The following RBFOX1 variants were observed in gnomAD, a reference collection of about 807,000 sequenced individuals.
RBFOX1 encodes RNA binding protein fox-1 homolog 1.
In RBFOX1, 8 loss-of-function variants were observed where a neutral mutation model predicts 57.7. The observed-to-expected ratio is 0.14, with a 90% CI of 0.08 to 0.25. The LOEUF (loss-of-function observed/expected upper bound fraction) is 0.25. RBFOX1 is among the 10% of genes least tolerant of loss of function. RBFOX1 has a pLI of 1.00. For missense variants in RBFOX1, 611 were observed against 548.5 expected, an observed-to-expected ratio of 1.11 and a Z score of -1.14; for synonymous variants, 326 against 222.4, an observed-to-expected ratio of 1.47 and a Z score of -4.15.
At chr16:7,685,240 G>GC (rs2075807747) in intron 14 of RBFOX1, among the ~76,000 whole-genome samples, 1 of 152,112 alleles carries the variant, frequency 6.6e-6, no homozygotes, top group Admixed American at 6.6e-5. Flanking sequence ...CACAAACCTT[G>GC]CAAGAGATAA....
intron 3 of RBFOX1, among the ~76,000 whole-genome samples, chr16:5,675,908 G>A (rs1000476163): frequency 1.5e-4 from 23 of 152,160 alleles, no homozygotes; most frequent in African/African-American, 5.5e-4. Context: ...TCATTTGGGG[G>A]AACATAATTT....
chr16:6,278,606 C>A (rs1327319248), intron 1 of RBFOX1, among the ~76,000 whole-genome samples: 1 of 151,858 alleles, frequency 6.6e-6, no homozygotes, highest in Non-Finnish European at 1.5e-5. Context: ...TATCGTGGGT[C>A]TCTACAAAGA....
chr16:6,565,573 T>C (rs1000729600), intron 2 of RBFOX1, among the ~76,000 whole-genome samples: 1 of 151,420 alleles, frequency 6.6e-6, no homozygotes, highest in Admixed American at 6.6e-5. Context: ...TTCAAGCCGA[T>C]TCTCCTGCCT....
chr16:5,764,324 A>T (rs2053698738), intron 3 of RBFOX1, among the ~76,000 whole-genome samples: 1 of 152,204 alleles, frequency 6.6e-6, no homozygotes, highest in Non-Finnish European at 1.5e-5. Context: ...AGAGGCCTTG[A>T]GTTTTCCTTG....
rs541524204 is a variant in RBFOX1, at chr16:6,810,812, A to G, written c.-16+156162A>G. Among the ~76,000 whole-genome samples, 14 of 152,238 alleles carry G rather than the reference A, an allele frequency of 9.2e-5. No individual in the cohort carries two copies. The East Asian group carries it at 1.7e-3, about 19-fold the overall frequency. ...CAGATCTCGCCAGAAGTCACTCACT[A>G]TCAGGAGAACAGTGTGCCGGGAAAG... On this transcript the variant is annotated intron_variant, in intron 3 of 15. Transcript: ENST00000550418.
chr16:7,046,176 A>T (rs1380473990), intron 3 of RBFOX1, among the ~76,000 whole-genome samples: 1 of 152,048 alleles, frequency 6.6e-6, no homozygotes, highest in Non-Finnish European at 1.5e-5. Flanking sequence ...TATATTTTAC[A>T]TGTAGACAGG....
intron 1 of RBFOX1, among the ~76,000 whole-genome samples, chr16:5,342,626 T>A (rs556407416): frequency 2.6e-5 from 4 of 152,208 alleles, no homozygotes; most frequent in Non-Finnish European, 5.9e-5. Flanking sequence ...CAAGTACCAC[T>A]GAGAACAGTT....
intron 3 of RBFOX1, among the ~76,000 whole-genome samples, chr16:5,724,188 T>A (rs1480430276): frequency 1.3e-5 from 2 of 152,170 alleles, no homozygotes; most frequent in African/African-American, 4.8e-5. Context: ...AGTGGCAAGA[T>A]ATTCTTTGGA....
intron 3 of RBFOX1, among the ~76,000 whole-genome samples, chr16:6,870,806 G>C (rs963578936): frequency 6.6e-6 from 1 of 152,100 alleles, no homozygotes; most frequent in Non-Finnish European, 1.5e-5. Context: ...AATTTATGAG[G>C]CAATTTCAGA....
intron 4 of RBFOX1, among the ~76,000 whole-genome samples, chr16:7,265,273 A>G (rs1399457267): frequency 6.6e-6 from 1 of 151,660 alleles, no homozygotes; most frequent in Admixed American, 6.6e-5. Flanking sequence ...AGGATGGTCT[A>G]GTTATCATGT....
chr16:5,240,993 C>G (rs2062152878), intron 1 of RBFOX1, among the ~76,000 whole-genome samples: 1 of 152,216 alleles, frequency 6.6e-6, no homozygotes, highest in African/African-American at 2.4e-5. Flanking sequence ...GGGTTGACCT[C>G]TTTGTTCCTT....
At chr16:6,518,799 C>CTGTT (rs1363764893) in intron 2 of RBFOX1, among the ~76,000 whole-genome samples, 4 of 67,542 alleles carry the variant, frequency 5.9e-5, no homozygotes, top group African/African-American at 2.4e-4. Flanking sequence ...GTGTGTCTGT[C>CTGTT]TATCTATCTA....
chr16:5,638,322 T>A (rs1287997958), intron 3 of RBFOX1, among the ~76,000 whole-genome samples: 1 of 152,170 alleles, frequency 6.6e-6, no homozygotes, highest in Non-Finnish European at 1.5e-5. Flanking sequence ...CTATCTTGCC[T>A]TATGACACAG....
chr16:7,506,168 GA>G (rs1354526916), intron 4 of RBFOX1, among the ~76,000 whole-genome samples: 10 of 103,020 alleles, frequency 9.7e-5, no homozygotes, highest in African/African-American at 3.4e-4. Context: ...CTGGGTGACA[GA>G]GCAAGACTCT....
intron 4 of RBFOX1, among the ~76,000 whole-genome samples, chr16:7,083,312 G>A (rs1486576553): frequency 6.6e-5 from 10 of 151,920 alleles, no homozygotes. Flanking sequence ...GTGATAAAAT[G>A]TTTCTCCATC....
chr16:5,971,860 T>G lies in RBFOX1; in HGVS notation c.351+104525T>G, dbSNP rs145352636. Among the ~76,000 whole-genome samples, 9 of 152,356 alleles carry G rather than the reference T, an allele frequency of 5.9e-5. No homozygotes were observed. In the East Asian group the frequency reaches 1.7e-3, roughly 29 times the overall value. On this transcript the variant is annotated intron_variant, in intron 4 of 19. Transcript: ENST00000641259. Reference sequence around the variant, plus strand: ...GTGTTTTGGATGAGATTAACATTTATGTCAGTAGACTGAGTAAAGCAGATG... The same window carrying G: ...GTGTTTTGGATGAGATTAACATTTAGGTCAGTAGACTGAGTAAAGCAGATG...
At chr16:7,040,800 T>C (rs2045895852) in intron 3 of RBFOX1, among the ~76,000 whole-genome samples, 1 of 152,256 alleles carries the variant, frequency 6.6e-6, no homozygotes, top group Non-Finnish European at 1.5e-5. Context: ...TTCTAATGGA[T>C]TCATAATATT....
At chr16:7,532,146 TCAC>T (rs1567696118) in intron 5 of RBFOX1, among the ~76,000 whole-genome samples, 6 of 147,642 alleles carry the variant, frequency 4.1e-5, no homozygotes, top group African/African-American at 9.9e-5. Flanking sequence ...TTTTTTTTTT[TCAC>T]TAAGAAAAGC....
At chr16:5,599,962 T>G (rs966945144) in exon 3 of RBFOX1, 1 of 150,730 alleles carries the variant, frequency 6.6e-6, no homozygotes, top group Non-Finnish European at 1.5e-5. Flanking sequence ...AGCTCAGGAG[T>G]TGGAGACCAG....
Sources: gnomAD v4.1 joint callset for allele counts (sites outside exome capture counted in the v4.1 genomes callset) on GRCh38, gnomAD v4.1.1 for gene constraint, MANE v1.5 for transcripts, NCBI Gene and HGNC (gene_info 2026-07-23, HGNC 2026-07-21) for gene names.